The following FAM228B variants were observed in gnomAD, a reference collection of about 807,000 sequenced individuals.
FAM228B encodes the protein family with sequence similarity 228 member B, also known as protein FAM228B.
A neutral mutation model predicts 42.6 loss-of-function variants in FAM228B; 38 were observed. The observed-to-expected ratio is 0.89, with a 90% CI of 0.69 to 1.17. The LOEUF (loss-of-function observed/expected upper bound fraction) is 1.17. Ranked by LOEUF, FAM228B falls within the 50% of genes most tolerant of loss-of-function variation. The pLI is 0.00. For missense variants in FAM228B, 344 were observed against 367.3 expected, an observed-to-expected ratio of 0.94 and a Z score of 0.52; for synonymous variants, 109 against 122.3, an observed-to-expected ratio of 0.89 and a Z score of 0.72.
chr2:24,154,306 A>G (rs924435442), intron 7 of FAM228B, among the ~76,000 whole-genome samples: 2 of 152,094 alleles, frequency 1.3e-5, no homozygotes, highest in African/African-American at 2.4e-5. Context: ...GCATCTTTTC[A>G]TATGTTTCTT....
intron 3 of FAM228B, among the ~76,000 whole-genome samples, chr2:24,107,101 A>C (rs1280611891): frequency 6.6e-6 from 1 of 152,190 alleles, no homozygotes; most frequent in African/African-American, 2.4e-5. Flanking sequence ...AAGCAAACAG[A>C]AAACAGAAAA....
Position 24,084,285 on chromosome 2 carries a change from G to T in FAM228B, c.-210+3330G>T. The T allele has an allele frequency of 6.2e-7, 1 of 1,614,066 alleles. No homozygotes were observed. The highest frequency in any genetic ancestry group is 1.7e-4 in the Middle Eastern group (1 of 6,060). On this transcript the variant is annotated intron_variant, in intron 2 of 10. Coordinates refer to the FAM228B transcript ENST00000613899. The surrounding 1 kb of genome is among the most constrained non-coding windows in gnomAD (Gnocchi z 8.4). ...GCTTGGCCACCTCCTTCACGTAGAG[G>T]TTTTCCGGTCCTCCCGGCTTGTCAA...
intron 2 of FAM228B, among the ~76,000 whole-genome samples, chr2:24,089,460 T>A (rs558886142): frequency 1.3e-5 from 2 of 152,320 alleles, no homozygotes; most frequent in East Asian, 3.9e-4. Context: ...ATTACTCCAT[T>A]CTACCCAATG....
intron 5 of FAM228B, among the ~76,000 whole-genome samples, chr2:24,145,846 G>A (rs1011167182): frequency 1.3e-5 from 2 of 151,482 alleles, no homozygotes; most frequent in African/African-American, 2.4e-5. Flanking sequence ...CCGCCACCAC[G>A]CCTGGCTAAA....
chr2:24,122,692 C>G (rs7592020), upstream of FAM228B: 70,681 of 563,324 alleles, frequency 0.13, 5,154 homozygotes, highest in South Asian at 0.17. Context: ...GGTGGTCCAT[C>G]ATTCAGGGCC....
chr2:24,162,710 G>A (rs1397149807), intron 8 of FAM228B, among the ~76,000 whole-genome samples: 1 of 152,084 alleles, frequency 6.6e-6, no homozygotes, highest in Non-Finnish European at 1.5e-5. Flanking sequence ...ACAAGATGTG[G>A]TATATCCATA....
intron 7 of FAM228B, among the ~76,000 whole-genome samples, chr2:24,157,911 A>G (rs1051181449): frequency 8.5e-5 from 13 of 152,180 alleles, no homozygotes; most frequent in African/African-American, 3.1e-4. Context: ...AAACTGAACT[A>G]AGGTCTCTGA....
rs529840899 is a variant in FAM228B at position 24,164,348 on chromosome 2, G to C, written c.932+13G>C. The C allele has an allele frequency of 1.3e-6, 2 of 1,545,544 alleles. No homozygotes were observed. The highest frequency in any genetic ancestry group is 2.4e-5 in the South Asian group (2 of 83,352). On this transcript the variant is annotated intron_variant, in intron 9 of 10. Transcript: ENST00000615575. ...AAGACCAGGATGGGTAAGAGCTGGG[G>C]CTGTCCCATTTCATCATACATAAGG...
At chr2:24,079,383 A>G (rs1484330127) in intron 1 of FAM228B, 2 of 1,558,208 alleles carry the variant, frequency 1.3e-6, no homozygotes, top group East Asian at 4.5e-5. Context: ...TCTCGGGGTA[A>G]TGTAAATGAA....
intron 2 of FAM228B, among the ~76,000 whole-genome samples, chr2:24,128,345 T>C (rs1182204103): frequency 2.0e-5 from 3 of 152,188 alleles, no homozygotes; most frequent in African/African-American, 7.2e-5. Context: ...TACCTTGGCC[T>C]CCCAAAGCAC....
chr2:24,083,433 G>A (rs764137727), intron 2 of FAM228B, among the ~76,000 whole-genome samples: 3 of 152,082 alleles, frequency 2.0e-5, no homozygotes, highest in Non-Finnish European at 4.4e-5. Context: ...GTCCCAGACG[G>A]GAAATAATAG....
At chr2:24,132,508 T>C (rs1446869471) in intron 2 of FAM228B, among the ~76,000 whole-genome samples, 1 of 144,406 alleles carries the variant, frequency 6.9e-6, no homozygotes, top group Non-Finnish European at 1.5e-5. Flanking sequence ...AGGCTATTAA[T>C]TACTGCCTCA....
intron 3 of FAM228B, among the ~76,000 whole-genome samples, chr2:24,108,968 A>G (rs1436992737): frequency 2.0e-5 from 3 of 151,942 alleles, no homozygotes; most frequent in African/African-American, 7.3e-5. Context: ...TCGAATAGCT[A>G]AGGCAACCCT....
chr2:24,138,444 C>G (rs1558386860), intron 4 of FAM228B, among the ~76,000 whole-genome samples: 1 of 152,106 alleles, frequency 6.6e-6, no homozygotes, highest in South Asian at 2.1e-4. Context: ...TCAAGCAATT[C>G]TCCTGCCTTA....
At chr2:24,079,413 A>G in intron 1 of FAM228B, 1 of 1,609,654 alleles carries the variant, frequency 6.2e-7, no homozygotes, top group Non-Finnish European at 8.5e-7. Flanking sequence ...TCTGGGTTAA[A>G]TCACATGTTT....
chr2:24,133,859 C>T (rs1364864014), intron 2 of FAM228B, among the ~76,000 whole-genome samples: 1 of 152,124 alleles, frequency 6.6e-6, no homozygotes, highest in Non-Finnish European at 1.5e-5. Flanking sequence ...GTACAGTGCG[C>T]TATGATCATA....
At chr2:24,140,043 G>C (rs1385698622) in intron 5 of FAM228B, among the ~76,000 whole-genome samples, 1 of 152,144 alleles carries the variant, frequency 6.6e-6, no homozygotes, top group Non-Finnish European at 1.5e-5. Context: ...GATTAACCAA[G>C]TCTTAGGGTT....
intron 3 of FAM228B, among the ~76,000 whole-genome samples, chr2:24,100,105 T>TA (rs138756407): frequency 0.28 from 42,811 of 151,962 alleles, 6,508 homozygotes; most frequent in South Asian, 0.39. Context: ...TTACACCTTA[T>TA]AAAAAATTAA....
chr2:24,124,243 C>T (rs1666239975), intron 1 of FAM228B, 87 bp from the exon 2 acceptor site: 1 of 638,404 alleles, frequency 1.6e-6, no homozygotes, highest in East Asian at 2.9e-5. Context: ...ATCCATTTTG[C>T]GTGTGTGCAA....
Sources: gnomAD v4.1 joint callset for allele counts (sites outside exome capture counted in the v4.1 genomes callset) on GRCh38, gnomAD v4.1.1 for gene constraint, Gnocchi (gnomAD v3.1) non-coding constraint, MANE v1.5 for transcripts, NCBI Gene and HGNC (gene_info 2026-07-23, HGNC 2026-07-21) for gene names.